ENOX2: variants seen among roughly 807,000 people sequenced by gnomAD.
The protein encoded by ENOX2 is ecto-NOX disulfide-thiol exchanger 2.
Under a neutral mutation model 45.0 loss-of-function variants are expected in ENOX2, and 36 were observed. The observed-to-expected ratio is 0.80, with a 90% CI of 0.61 to 1.06. The LOEUF (loss-of-function observed/expected upper bound fraction) is 1.06, where lower values mean the gene tolerates loss of function less well. Ranked by LOEUF, ENOX2 falls within the 50% of genes least tolerant of loss-of-function variation. The pLI is 0.00. For missense variants in ENOX2, 423 were observed against 462.5 expected (o/e 0.91, Z 0.78); for synonymous variants, 174 against 152.3 (o/e 1.14, Z -1.05).
In ENOX2 at chrX:130,623,429, A is replaced by G. The variant is rs1489154669; in HGVS notation, c.*1885T>C. The G allele has an allele frequency of 9.0e-6, 1 of 110,787 alleles. No homozygotes were observed. The highest frequency in any genetic ancestry group is 1.9e-5 in the Non-Finnish European group (1 of 53,028). The allele number at this position is 110,787 out of a possible 1,213,427, so 9.1% of individuals were successfully genotyped here. On this transcript the variant is annotated 3_prime_UTR_variant, in exon 15 of 15. Transcript: ENST00000394363. Reference sequence around the variant, plus strand: ...TGTGCAGGATGTGCAGGTTTGTTACATAGGTGAACGTGTGCCATGGTGGTT... The same window carrying G: ...TGTGCAGGATGTGCAGGTTTGTTACGTAGGTGAACGTGTGCCATGGTGGTT...
At chrX:130,742,245 C>CA (rs2039000026) in intron 3 of ENOX2, among the ~76,000 whole-genome samples, 1 of 60,171 alleles carries the variant, frequency 1.7e-5, no homozygotes, top group East Asian at 4.8e-4. Context: ...AGATAATTTC[C>CA]TTTTTTTTTT....
At chrX:130,893,979 T>A (rs1338187785) in intron 2 of ENOX2, among the ~76,000 whole-genome samples, 1 of 112,202 alleles carries the variant, frequency 8.9e-6, no homozygotes, top group Non-Finnish European at 1.9e-5. Flanking sequence ...TCCTTCATGA[T>A]AATCAAACCT....
At chrX:130,763,773 C>T (rs1329484468) in intron 3 of ENOX2, among the ~76,000 whole-genome samples, 2 of 110,747 alleles carry the variant, frequency 1.8e-5, no homozygotes, top group Non-Finnish European at 3.8e-5. Context: ...TTGGTGGAGA[C>T]CCCTGGCAGA....
chrX:130,694,752 G>A (rs774003396), intron 4 of ENOX2, among the ~76,000 whole-genome samples: 6 of 109,067 alleles, frequency 5.5e-5, no homozygotes, highest in Admixed American at 2.0e-4. Flanking sequence ...ACAAGCACGC[G>A]CCAATATGCC....
chrX:130,699,526 G>A (rs2037845402), intron 4 of ENOX2, among the ~76,000 whole-genome samples: 1 of 111,800 alleles, frequency 8.9e-6, no homozygotes. Flanking sequence ...CTGAATTACT[G>A]AGCCTTTGAT....
At chrX:130,807,787 A>C (rs1009886167) in intron 2 of ENOX2, among the ~76,000 whole-genome samples, 2 of 111,962 alleles carry the variant, frequency 1.8e-5, no homozygotes, top group Non-Finnish European at 3.8e-5. Flanking sequence ...ATAGTAGACT[A>C]AGAAGGGCTC....
chrX:130,776,006 T>C (rs562970686), intron 3 of ENOX2, among the ~76,000 whole-genome samples: 2 of 111,832 alleles, frequency 1.8e-5, no homozygotes, highest in African/African-American at 6.5e-5. Flanking sequence ...TCAAATTCAG[T>C]ACTAAAAGCA....
chrX:130,657,822 G>T (rs1376606792), intron 9 of ENOX2, among the ~76,000 whole-genome samples: 2 of 111,972 alleles, frequency 1.8e-5, no homozygotes, highest in African/African-American at 6.5e-5. Flanking sequence ...AAACTAGGAA[G>T]ATATGGCCCA....
chrX:130,807,092 T>C (rs2077314556), intron 2 of ENOX2, among the ~76,000 whole-genome samples: 1 of 112,357 alleles, frequency 8.9e-6, no homozygotes, highest in Non-Finnish European at 1.9e-5. Flanking sequence ...TATAGTTGCA[T>C]TCCAAAGTAG....
At chrX:130,664,303 T>A (rs2036776683) in intron 9 of ENOX2, among the ~76,000 whole-genome samples, 2 of 112,511 alleles carry the variant, frequency 1.8e-5, no homozygotes, top group African/African-American at 3.2e-5. Flanking sequence ...GAAATTACTA[T>A]CCTTATTTTA....
In ENOX2 at chrX:130,666,619, T is replaced by A. The variant is rs752749335; in HGVS notation, c.908-870A>T. Reference sequence around the variant, plus strand: ...GACTTAAGGATTTATAGTCCCATGATGCGTGCTGCTTTCTCTTTTTAAAAA... The same window carrying A: ...GACTTAAGGATTTATAGTCCCATGAAGCGTGCTGCTTTCTCTTTTTAAAAA... On this transcript the variant is annotated intron_variant, in intron 8 of 14. Transcript: ENST00000394363. Among the ~76,000 whole-genome samples, 28 of 111,697 alleles carry A rather than the reference T, an allele frequency of 2.5e-4. No individual in the cohort carries two copies. The South Asian group carries it at 3.4e-3, about 14-fold the overall frequency.
At chrX:130,870,124 G>T (rs1248682089) in intron 2 of ENOX2, among the ~76,000 whole-genome samples, 2 of 111,227 alleles carry the variant, frequency 1.8e-5, no homozygotes, top group East Asian at 5.7e-4. Context: ...ACTTCCACAT[G>T]TTGGAAGTGA....
intron 2 of ENOX2, among the ~76,000 whole-genome samples, chrX:130,894,608 T>G (rs1466783778): frequency 9.0e-6 from 1 of 110,716 alleles, no homozygotes; most frequent in Non-Finnish European, 1.9e-5. Context: ...ACTTCATCTG[T>G]CTTCAGCTTT....
intron 2 of ENOX2, among the ~76,000 whole-genome samples, chrX:130,859,915 A>T (rs2078381641): frequency 9.1e-6 from 1 of 110,402 alleles, no homozygotes. Flanking sequence ...CTCACTGGCC[A>T]TTCTTTCTCA....
chrX:130,836,949 G>C (rs892903387), intron 2 of ENOX2, among the ~76,000 whole-genome samples: 10 of 111,666 alleles, frequency 9.0e-5, no homozygotes, highest in African/African-American at 3.3e-4. Flanking sequence ...CATTTTATAT[G>C]AACCCACAGA....
chrX:130,807,489 T>G lies in ENOX2; in HGVS notation c.-182-23799A>C, dbSNP rs186711491. ...ACCTAGTCTAACTGCTGTCTCTTCC[T>G]CCCCTCCACTGCTGCCATTTTACTA... On this transcript the variant is annotated intron_variant, in intron 2 of 14. Transcript: ENST00000394363. Among the ~76,000 whole-genome samples the G allele has an allele frequency of 8.1e-5, 9 of 111,590 alleles. No homozygotes were observed. The Admixed American group carries it at 8.6e-4, about 11-fold the overall frequency.
intron 2 of ENOX2, among the ~76,000 whole-genome samples, chrX:130,790,235 G>C (rs2077023317): frequency 8.9e-6 from 1 of 112,374 alleles, no homozygotes; most frequent in South Asian, 3.7e-4. Flanking sequence ...TTGAATGGTG[G>C]TAGACAAACT....
intron 2 of ENOX2, among the ~76,000 whole-genome samples, chrX:130,831,392 G>C (rs1019853616): frequency 1.3e-4 from 14 of 111,284 alleles, no homozygotes; most frequent in Admixed American, 7.6e-4. Flanking sequence ...TCTTTCTATG[G>C]ATTCTCACTG....
chrX:130,625,272 A>G lies in ENOX2; in HGVS notation c.*42T>C. On this transcript the variant is annotated 3_prime_UTR_variant, in exon 15 of 15. Transcript: ENST00000394363. ...AAATCACTTTCTATGCTTGTCCAAC[A>G]CATATTTATCTTCAGGATCCCAAGT... 8.4e-7 allele frequency: 1 copy of G among 1,185,007 alleles called. No homozygotes were observed. The highest frequency in any genetic ancestry group is 1.1e-6 in the Non-Finnish European group (1 of 877,252).
Sources: allele counts gnomAD v4.1 joint callset (sites outside exome capture counted in the v4.1 genomes callset), GRCh38; gene constraint gnomAD v4.1.1; transcripts MANE v1.5; gene names NCBI Gene and HGNC (gene_info 2026-07-23, HGNC 2026-07-21).